CLTC: variants seen among roughly 807,000 people sequenced by gnomAD.
The protein encoded by CLTC is clathrin heavy chain 1.
Under a neutral mutation model 195.8 loss-of-function variants are expected in CLTC, and 16 were observed. The ratio of observed to expected loss-of-function variants is 0.08; its 90% CI spans 0.06 to 0.12. CLTC has a LOEUF of 0.12. Ranked by LOEUF, CLTC falls within the 10% of genes least tolerant of loss-of-function variation. The pLI, the probability that CLTC is intolerant of heterozygous loss-of-function variation, is 1.00. For synonymous variants in CLTC, 667 were observed against 689.4 expected (o/e 0.97, Z 0.51); for missense variants, 796 against 2,027.0 (o/e 0.39, Z 11.66).
chr17:59,648,129 T>C lies in CLTC; in HGVS notation c.520-111T>C. On this transcript the variant is annotated intron_variant, in intron 3 of 31. Transcript: ENST00000269122. This position sits in a 1 kb window ranked among gnomAD's most constrained non-coding sequence, Gnocchi z 4.5. ...CAGTGAGAGATGAAGTGACAAATAA[T>C]TATAAATCCTGCTAAAGATGACAAA... The C allele has an allele frequency of 9.5e-7, 1 of 1,049,746 alleles. No homozygotes were observed. The highest frequency in any genetic ancestry group is 1.4e-6 in the Non-Finnish European group (1 of 727,166). The allele number at this position is 1,049,746 out of a possible 1,614,324, so 65.0% of individuals were successfully genotyped here.
chr17:59,688,259 C>A (rs1301493368), intron 30 of CLTC, among the ~76,000 whole-genome samples: 1 of 152,070 alleles, frequency 6.6e-6, no homozygotes, highest in East Asian at 1.9e-4. Context: ...CATCTTCAGA[C>A]CTCACTTCTT....
chr17:59,658,434 CTTG>C (rs1410235873), intron 6 of CLTC, among the ~76,000 whole-genome samples: 1 of 152,174 alleles, frequency 6.6e-6, no homozygotes, highest in Non-Finnish European at 1.5e-5. Flanking sequence ...ATTCTGGGAA[CTTG>C]TTGATTGTTA....
Position 59,666,091 on chromosome 17 carries a change from CTT to C in CLTC, c.1645-6_1645-5del, listed in dbSNP as rs761221063. ...TATCTTAAAACAATTTCTTTTAAAT[CTT>C]TTTTTGTAGATTGTAGATGTCTTTA... On this transcript the variant is annotated splice_polypyrimidine_tract_variant and intron_variant, in intron 10 of 31. Coordinates refer to ENST00000269122, the MANE Select transcript of CLTC (RefSeq NM_004859.4). The surrounding 1 kb of genome is among the most constrained non-coding windows in gnomAD (Gnocchi z 4.9). 1 of 1,582,836 alleles carries C rather than the reference CTT, an allele frequency of 6.3e-7. No homozygotes were observed.
chr17:59,662,994 T>C (rs1198991101), intron 8 of CLTC, among the ~76,000 whole-genome samples: 3 of 152,204 alleles, frequency 2.0e-5, no homozygotes, highest in Admixed American at 6.5e-5. Context: ...GGGTGAAAGC[T>C]TTTTAGGTAT....
rs755773933 is a variant in CLTC, at chr17:59,666,547, G to T, written c.1850G>T (p.Cys617Phe). ...GACCGGGCTCATATTGCTCAACTGTGTGAAAAGGCTGGCCTACTGCAGCGT... is the reference window on the plus strand; with the variant it reads ...GACCGGGCTCATATTGCTCAACTGTTTGAAAAGGCTGGCCTACTGCAGCGT... ...HYDRAHIAQL[C>F]EKAGLLQRAL... The change falls in exon 12 of 32, where the codon TGT (cysteine) becomes TTT (phenylalanine). Residue 617 changes from cysteine to phenylalanine, a missense_variant. By Grantham distance (205) the Cys-to-Phe change is radical. Coordinates refer to ENST00000269122, the MANE Select transcript of CLTC (RefSeq NM_004859.4). This position sits in a 1 kb window ranked among gnomAD's most constrained non-coding sequence, Gnocchi z 4.9. 2 of 1,613,986 alleles carry T rather than the reference G, an allele frequency of 1.2e-6. No homozygotes were observed. The highest frequency in any genetic ancestry group is 2.7e-5 in the African/African-American group (2 of 74,902).
Position 59,683,592 on chromosome 17 carries a change from T to C in CLTC, c.4192-33T>C. On this transcript the variant is annotated intron_variant, in intron 26 of 31. Transcript: ENST00000269122. The surrounding 1 kb of genome is among the most constrained non-coding windows in gnomAD (Gnocchi z 6.1). Reference sequence around the variant, plus strand: ...CAGAAGGAGAAAGCTCATTAGGAAGTAACTGACTTATGTATGGATTTTCCC... The same window carrying C: ...CAGAAGGAGAAAGCTCATTAGGAAGCAACTGACTTATGTATGGATTTTCCC... 1.9e-6 allele frequency: 3 copies of C among 1,613,548 alleles called. No homozygotes were observed. The highest frequency in any genetic ancestry group is 2.5e-6 in the Non-Finnish European group (3 of 1,179,574).
intron 1 of CLTC, among the ~76,000 whole-genome samples, chr17:59,630,866 T>C (rs1479933332): frequency 6.6e-6 from 1 of 152,368 alleles, no homozygotes. Flanking sequence ...CAAACATTCA[T>C]GTACAAGTTT....
chr17:59,623,893 G>C (rs1293450646), intron 1 of CLTC, among the ~76,000 whole-genome samples: 2 of 152,210 alleles, frequency 1.3e-5, no homozygotes, highest in African/African-American at 4.8e-5. Flanking sequence ...ATAGCCACAT[G>C]TGACAATTGA....
intron 4 of CLTC, among the ~76,000 whole-genome samples, chr17:59,649,003 T>C (rs1046406794): frequency 6.6e-6 from 1 of 152,200 alleles, no homozygotes; most frequent in Non-Finnish European, 1.5e-5. Context: ...ATAGAGGCAA[T>C]GTAGACTACA....
chr17:59,672,681 T>C (rs1022871795), intron 14 of CLTC, among the ~76,000 whole-genome samples: 4 of 152,176 alleles, frequency 2.6e-5, no homozygotes, highest in African/African-American at 9.7e-5. Context: ...ACCTTGGTGT[T>C]CTTGGGACAC....
chr17:59,644,537 T>G, intron 2 of CLTC, 54 bp downstream of exon 2: 1 of 1,380,870 alleles, frequency 7.2e-7, no homozygotes, highest in Non-Finnish European at 9.8e-7. Context: ...TTGTTTTTTT[T>G]TGTTTTTTTT....
chr17:59,626,855 A>G (rs1441132160), intron 1 of CLTC, among the ~76,000 whole-genome samples: 1 of 152,032 alleles, frequency 6.6e-6, no homozygotes, highest in Non-Finnish European at 1.5e-5. Flanking sequence ...CTTCTTTTGT[A>G]TTATCTCCTT....
At chr17:59,643,665 G>C (rs2032108326) in intron 1 of CLTC, among the ~76,000 whole-genome samples, 1 of 152,152 alleles carries the variant, frequency 6.6e-6, no homozygotes, top group Non-Finnish European at 1.5e-5. Context: ...ACGTCTCTGT[G>C]CTTTACCACA....
At position 59,620,063 on chromosome 17, in the gene CLTC, T is replaced by G; in HGVS notation, c.-69T>G. Reference sequence around the variant, plus strand: ...CCCCTCCCCTTCTCCTCCTCTCCCTTGGAGAGCCCGGGCAGCCACTGCCCC... The same window carrying G: ...CCCCTCCCCTTCTCCTCCTCTCCCTGGGAGAGCCCGGGCAGCCACTGCCCC... On this transcript the variant is annotated 5_prime_UTR_variant, in exon 1 of 32. Transcript: ENST00000269122. 2.7e-6 allele frequency: 4 copies of G among 1,480,314 alleles called. No individual in the cohort carries two copies. The highest frequency in any genetic ancestry group is 1.9e-6 in the Non-Finnish European group (2 of 1,060,914). The allele number at this position is 1,480,314 out of a possible 1,614,324, so 91.7% of individuals were successfully genotyped here.
chr17:59,664,915 G>A lies in CLTC; in HGVS notation c.1644+6G>A. The A allele has an allele frequency of 6.2e-7, 1 of 1,613,716 alleles. No homozygotes were observed. Among genetic ancestry groups the A allele is most frequent in the Non-Finnish European group, 8.5e-7 (1 of 1,179,826 alleles). ...CTCTTGCTGACATCACACAGGTAAT[G>A]TGATTAAAATATATTTTGTAGAAGC... On this transcript the variant is annotated splice_donor_region_variant and intron_variant, in intron 10 of 31. Coordinates refer to ENST00000269122, the MANE Select transcript of CLTC (RefSeq NM_004859.4).
chr17:59,651,569 G>C (rs535407664), intron 5 of CLTC, among the ~76,000 whole-genome samples: 2 of 152,128 alleles, frequency 1.3e-5, no homozygotes, highest in Non-Finnish European at 2.9e-5. Context: ...GAATTCTTTG[G>C]TTTCCCAGTG....
chr17:59,674,287 C>T (rs1567963966), intron 15 of CLTC, among the ~76,000 whole-genome samples: 1 of 152,104 alleles, frequency 6.6e-6, no homozygotes, highest in Admixed American at 6.6e-5. Flanking sequence ...GTTTTCAAAC[C>T]ATCTTAAATA....
At chr17:59,669,595 T>G (rs534780119) in intron 14 of CLTC, among the ~76,000 whole-genome samples, 17 of 152,308 alleles carry the variant, frequency 1.1e-4, no homozygotes, top group African/African-American at 3.6e-4. Context: ...AGCTTTATTC[T>G]TGTAACTGCC....
At chr17:59,634,259 A>G (rs955853543) in intron 1 of CLTC, among the ~76,000 whole-genome samples, 1 of 151,908 alleles carries the variant, frequency 6.6e-6, no homozygotes. Context: ...ATTCTGCACA[A>G]CTTCTCACCC....
Sources: gnomAD v4.1 joint callset for allele counts (sites outside exome capture counted in the v4.1 genomes callset) on GRCh38, gnomAD v4.1.1 for gene constraint, Gnocchi (gnomAD v3.1) non-coding constraint, MANE v1.5 for transcripts, NCBI Gene and HGNC (gene_info 2026-07-23, HGNC 2026-07-21) for gene names.